Variants in CCDC172 observed in about 807,000 individuals in gnomAD.
CCDC172 encodes the protein coiled-coil domain-containing protein 172.
Under a neutral mutation model 38.0 loss-of-function variants are expected in CCDC172, and 30 were observed. The ratio of observed to expected loss-of-function variants is 0.79; its 90% CI spans 0.59 to 1.07. CCDC172 has a LOEUF of 1.07. CCDC172 is among the 50% of genes least tolerant of loss of function. The pLI is 0.00. For missense variants in CCDC172, 297 were observed against 290.1 expected (o/e 1.02, Z -0.17); for synonymous variants, 78 against 88.3 (o/e 0.88, Z 0.66).
intron 5 of CCDC172, among the ~76,000 whole-genome samples, chr10:116,357,018 A>G (rs896390134): frequency 4.6e-5 from 7 of 152,278 alleles, no homozygotes; most frequent in Middle Eastern, 3.4e-3. Context: ...ACTACATGAG[A>G]AAACGTTAAT....
At chr10:116,351,759 G>T (rs1330501310) in intron 5 of CCDC172, among the ~76,000 whole-genome samples, 1 of 152,150 alleles carries the variant, frequency 6.6e-6, no homozygotes, top group Non-Finnish European at 1.5e-5. Flanking sequence ...AAACAAATGA[G>T]GTAAGCCCTA....
At chr10:116,344,971 G>T (rs1222394052) in intron 5 of CCDC172, among the ~76,000 whole-genome samples, 1 of 151,840 alleles carries the variant, frequency 6.6e-6, no homozygotes, top group African/African-American at 2.4e-5. Context: ...CCACTGGAAG[G>T]TCTTCAGGGA....
At position 116,344,264 on chromosome 10, in the gene CCDC172, C is replaced by T. The variant is rs143348918; in HGVS notation, c.448+2063C>T. 3.3e-5 allele frequency among the ~76,000 whole-genome samples: 5 copies of T among 152,250 alleles called. No homozygotes were observed. The East Asian group carries it at 9.7e-4, about 29-fold the overall frequency. ...GAAATGCATTCTTAGTCAGTATCATCGTGTGAACATCATAGATTGTACTTA... is the reference window on the plus strand; with the variant it reads ...GAAATGCATTCTTAGTCAGTATCATTGTGTGAACATCATAGATTGTACTTA... On this transcript the variant is annotated intron_variant, in intron 5 of 8. Coordinates refer to ENST00000333254, the MANE Select transcript of CCDC172 (RefSeq NM_198515.3).
chr10:116,348,037 C>A (rs920770871), intron 5 of CCDC172, among the ~76,000 whole-genome samples: 1 of 152,108 alleles, frequency 6.6e-6, no homozygotes, highest in Non-Finnish European at 1.5e-5. Flanking sequence ...ATGTGAGATT[C>A]ATCTTTGTGT....
chr10:116,377,211 G>A (rs1291199397), intron 7 of CCDC172, among the ~76,000 whole-genome samples: 2 of 152,070 alleles, frequency 1.3e-5, no homozygotes, highest in Non-Finnish European at 2.9e-5. Flanking sequence ...CATTTAATTG[G>A]ATTTTTCTAG....
rs370981935 is a variant in CCDC172 at position 116,327,289 on chromosome 10, A to T, written c.165+1901A>T. Among the ~76,000 whole-genome samples the T allele has an allele frequency of 4.4e-3, 668 of 152,308 alleles. 6 individuals carry two copies. Among genetic ancestry groups the T allele is most frequent in the African/African-American group, 0.015 (623 of 41,588 alleles). On this transcript the variant is annotated intron_variant, in intron 3 of 8. Coordinates refer to ENST00000333254, the MANE Select transcript of CCDC172 (RefSeq NM_198515.3). The stretch of plus-strand genomic sequence containing the variant: ...AAAGCAGATTTCTTAAGCTCACTTT[A>T]AACATTTTTCGTCATGACATTCATG...
In CCDC172 at chr10:116,340,722, T is replaced by A. The variant is rs1250133284; in HGVS notation, c.166-12T>A. ...ATTGTTTTATTCTGATTTCTGTTTT[T>A]GTACTTTGAAGGTTCAACAGTTTTT... On this transcript the variant is annotated splice_polypyrimidine_tract_variant and intron_variant, in intron 3 of 8. Coordinates refer to ENST00000333254, the MANE Select transcript of CCDC172 (RefSeq NM_198515.3). 1 of 1,310,460 alleles carries A rather than the reference T, an allele frequency of 7.6e-7. No homozygotes were observed. Among genetic ancestry groups the A allele is most frequent in the Non-Finnish European group, 1.1e-6 (1 of 918,028 alleles). 81.2% of individuals were successfully genotyped at this position (1,310,460 alleles called of 1,614,324 possible). A position where few individuals can be genotyped will look rare whatever the true frequency, so the allele number is the denominator to read the frequency against.
chr10:116,376,133 A>C (rs1845241254), intron 7 of CCDC172, among the ~76,000 whole-genome samples: 3 of 152,236 alleles, frequency 2.0e-5, no homozygotes, highest in Non-Finnish European at 4.4e-5. Flanking sequence ...CACAGTGTCC[A>C]TCAATGATGG....
chr10:116,360,863 A>G (rs1281779353), intron 7 of CCDC172, among the ~76,000 whole-genome samples: 1 of 151,988 alleles, frequency 6.6e-6, no homozygotes, highest in Admixed American at 6.6e-5. Flanking sequence ...CTGGGGTTTG[A>G]TATTAGCAAA....
chr10:116,342,239 G>T (rs1284664385), intron 5 of CCDC172, 38 bp downstream of exon 5: 2 of 1,488,604 alleles, frequency 1.3e-6, no homozygotes, highest in South Asian at 2.8e-5. Flanking sequence ...TTGCATTAAT[G>T]AAAATAACTT....
intron 7 of CCDC172, among the ~76,000 whole-genome samples, chr10:116,364,353 G>A (rs1845098498): frequency 6.6e-6 from 1 of 152,094 alleles, no homozygotes; most frequent in Non-Finnish European, 1.5e-5. Flanking sequence ...CAGTATACAT[G>A]CTTAGATATA....
chr10:116,346,695 C>T (rs1318060243), intron 5 of CCDC172, among the ~76,000 whole-genome samples: 1 of 151,138 alleles, frequency 6.6e-6, no homozygotes, highest in Non-Finnish European at 1.5e-5. Context: ...GCTATTGGAG[C>T]CCTCTAGTTT....
At chr10:116,325,112 G>A in intron 2 of CCDC172, 22 bp downstream of exon 2, 1 of 1,610,484 alleles carries the variant, frequency 6.2e-7, no homozygotes, top group Non-Finnish European at 8.5e-7. Flanking sequence ...TCTGTCCTTT[G>A]CATGGGGCCT....
At position 116,334,815 on chromosome 10, in the gene CCDC172, C is replaced by T. The variant is rs1002864777; in HGVS notation, c.166-5919C>T. 5.9e-5 allele frequency among the ~76,000 whole-genome samples: 9 copies of T among 151,924 alleles called. No homozygotes were observed. The East Asian group carries it at 1.7e-3, about 29-fold the overall frequency. ...TAAATTGTCCTCCAGAAAAGTTGTTCCAGTTTTATTCTCACAGTTTTACTA... is the reference window on the plus strand; with the variant it reads ...TAAATTGTCCTCCAGAAAAGTTGTTTCAGTTTTATTCTCACAGTTTTACTA... On this transcript the variant is annotated intron_variant, in intron 3 of 8. Transcript: ENST00000333254.
intron 1 of CCDC172, 127 bp from the exon 2 acceptor site, chr10:116,324,820 C>T (rs1280009446): frequency 1.8e-5 from 11 of 600,566 alleles, no homozygotes; most frequent in South Asian, 1.0e-4. Flanking sequence ...TCCCTAGACC[C>T]TCAGACCCCT....
intron 5 of CCDC172, among the ~76,000 whole-genome samples, chr10:116,348,558 G>A (rs900614858): frequency 2.0e-5 from 3 of 151,924 alleles, no homozygotes; most frequent in African/African-American, 4.8e-5. Flanking sequence ...TTTAACCACA[G>A]GATTGGAGCC....
chr10:116,352,786 A>T (rs756120664), intron 5 of CCDC172, among the ~76,000 whole-genome samples: 1 of 151,944 alleles, frequency 6.6e-6, no homozygotes, highest in Non-Finnish European at 1.5e-5. Context: ...AAAAAAAAAA[A>T]GAGAAAAAGA....
chr10:116,347,376 AT>A (rs753877671), intron 5 of CCDC172, among the ~76,000 whole-genome samples: 15 of 152,210 alleles, frequency 9.9e-5, no homozygotes, highest in Non-Finnish European at 1.0e-4. Context: ...ATCAGAGGTC[AT>A]TGGTGGCCTT....
intron 3 of CCDC172, among the ~76,000 whole-genome samples, chr10:116,338,681 C>T (rs1409360708): frequency 2.0e-5 from 3 of 152,144 alleles, no homozygotes; most frequent in South Asian, 2.1e-4. Flanking sequence ...AGAAAGAAGA[C>T]GTGGGCTCAG....
Sources: allele counts gnomAD v4.1 joint callset (sites outside exome capture counted in the v4.1 genomes callset), GRCh38; gene constraint gnomAD v4.1.1; transcripts MANE v1.5; gene names NCBI Gene and HGNC (gene_info 2026-07-23, HGNC 2026-07-21).